The following RIMS1 variants were observed in gnomAD, a reference collection of about 807,000 sequenced individuals.
The protein encoded by RIMS1 is regulating synaptic membrane exocytosis protein 1.
RIMS1 carries 83 observed loss-of-function variants against 214.1 expected under a neutral mutation model. The ratio of observed to expected loss-of-function variants is 0.39; its 90% confidence interval spans 0.32 to 0.47. The LOEUF is 0.47. Ranked by LOEUF, RIMS1 falls within the 20% of genes least tolerant of loss-of-function variation. The pLI, the probability that RIMS1 is intolerant of heterozygous loss-of-function variation, is 0.99. For missense variants in RIMS1, 2,050 were observed against 2,161.8 expected, an observed-to-expected ratio of 0.95 and a Z score of 1.03; for synonymous variants, 793 against 786.8, an observed-to-expected ratio of 1.01 and a Z score of -0.13.
intron 29 of RIMS1, among the ~76,000 whole-genome samples, chr6:72,386,582 G>T (rs1270052156): frequency 6.6e-6 from 1 of 152,044 alleles, no homozygotes; most frequent in South Asian, 2.1e-4. Context: ...CTCATAGCTT[G>T]TGTCGTCACT....
chr6:72,285,987 C>T (rs1424891144), intron 24 of RIMS1, among the ~76,000 whole-genome samples: 2 of 152,018 alleles, frequency 1.3e-5, no homozygotes, highest in Non-Finnish European at 2.9e-5. Flanking sequence ...CATCTGAGGT[C>T]GGGAGTTTGA....
chr6:71,890,596 A>AAAAAAAAAAAAAAAAAAAAAAAAAAAAC (rs1554194854), intron 1 of RIMS1, among the ~76,000 whole-genome samples: 1 of 112,950 alleles, frequency 8.9e-6, no homozygotes, highest in Non-Finnish European at 1.8e-5. Flanking sequence ...AAAAAAAAAA[A>AAAAAAAAAAAAAAAAAAAAAAAAAAAAC]ACTTCATAGA....
At position 72,258,318 on chromosome 6, in the gene RIMS1, C is replaced by T. The variant is rs746354752; in HGVS notation, c.2927+37C>T. 1.9e-6 allele frequency: 3 copies of T among 1,567,422 alleles called. No homozygotes were observed. In the South Asian group the frequency reaches 3.5e-5, roughly 18 times the overall value. Reference sequence around the variant, plus strand: ...AATGGGCTCAGTGTCCCTGACAGTACATTTTTATTATAATGCAGTGTAAAT... The same window carrying T: ...AATGGGCTCAGTGTCCCTGACAGTATATTTTTATTATAATGCAGTGTAAAT... On this transcript the variant is annotated intron_variant, in intron 17 of 33. Coordinates refer to ENST00000521978, the MANE Select transcript of RIMS1 (RefSeq NM_014989.7).
intron 2 of RIMS1, among the ~76,000 whole-genome samples, chr6:72,091,090 T>C (rs1480273980): frequency 3.3e-5 from 5 of 152,200 alleles, no homozygotes; most frequent in Admixed American, 6.5e-5. Flanking sequence ...ACCTATGCCC[T>C]TCCACCATTG....
chr6:72,303,984 C>T (rs561589248), intron 26 of RIMS1, among the ~76,000 whole-genome samples: 1 of 151,466 alleles, frequency 6.6e-6, no homozygotes, highest in South Asian at 2.1e-4. Context: ...TATCTTTCGA[C>T]TTTATTATAC....
At chr6:72,012,096 A>T (rs958199921) in intron 2 of RIMS1, among the ~76,000 whole-genome samples, 1 of 152,220 alleles carries the variant, frequency 6.6e-6, no homozygotes, top group Non-Finnish European at 1.5e-5. Flanking sequence ...TCCAACAATG[A>T]TAGACTGCAT....
At chr6:72,077,560 T>C (rs553736938) in intron 2 of RIMS1, among the ~76,000 whole-genome samples, 1 of 152,346 alleles carries the variant, frequency 6.6e-6, no homozygotes, top group East Asian at 1.9e-4. Flanking sequence ...TAGGTCTTCT[T>C]ACTTTATTGG....
At chr6:72,106,654 T>G (rs1417260031) in intron 4 of RIMS1, among the ~76,000 whole-genome samples, 1 of 152,214 alleles carries the variant, frequency 6.6e-6, no homozygotes, top group Non-Finnish European at 1.5e-5. Context: ...TTTTATTGTT[T>G]GTTTGTTTGT....
chr6:72,167,849 A>G (rs187054326), intron 4 of RIMS1, among the ~76,000 whole-genome samples: 47 of 151,720 alleles, frequency 3.1e-4, no homozygotes, highest in Non-Finnish European at 4.7e-4. Flanking sequence ...TATCAATTTT[A>G]TTAATCCTTT....
At chr6:72,091,289 T>G (rs1381175836) in intron 2 of RIMS1, among the ~76,000 whole-genome samples, 1 of 152,148 alleles carries the variant, frequency 6.6e-6, no homozygotes, top group African/African-American at 2.4e-5. Flanking sequence ...TTGCCTAGAC[T>G]TCATAAAGGA....
intron 31 of RIMS1, among the ~76,000 whole-genome samples, chr6:72,396,996 G>A (rs1448138592): frequency 6.6e-6 from 1 of 152,244 alleles, no homozygotes; most frequent in East Asian, 1.9e-4. Flanking sequence ...CTGGACGACA[G>A]AGCAAGCCTC....
intron 2 of RIMS1, among the ~76,000 whole-genome samples, chr6:72,050,335 A>G (rs1824280016): frequency 6.6e-6 from 1 of 152,170 alleles, no homozygotes; most frequent in Non-Finnish European, 1.5e-5. Flanking sequence ...TTATTCTCCT[A>G]CTATGAATTC....
intron 23 of RIMS1, among the ~76,000 whole-genome samples, chr6:72,280,590 T>C (rs1347622853): frequency 6.6e-6 from 1 of 152,060 alleles, no homozygotes; most frequent in African/African-American, 2.4e-5. Context: ...TAAAGACATA[T>C]CCTTTGTAGT....
intron 4 of RIMS1, among the ~76,000 whole-genome samples, chr6:72,171,727 A>G (rs924786726): frequency 6.6e-6 from 1 of 152,142 alleles, no homozygotes; most frequent in African/African-American, 2.4e-5. Context: ...TTAACTCTAG[A>G]AATCACTCTT....
intron 11 of RIMS1, 113 bp from the exon 12 acceptor site, chr6:72,247,902 C>G: frequency 1.4e-6 from 1 of 691,120 alleles, no homozygotes; most frequent in Admixed American, 2.3e-5. Flanking sequence ...AAAGTAGGTT[C>G]TGTTATCAGT....
intron 23 of RIMS1, among the ~76,000 whole-genome samples, chr6:72,275,138 A>G (rs1257624213): frequency 0.022 from 66 of 3,028 alleles, 2 homozygotes; most frequent in African/African-American, 0.084. Flanking sequence ...ATATATATAT[A>G]TATATATATA....
In RIMS1 at chr6:72,284,177, C is replaced by T. The variant is rs556597549; in HGVS notation, c.3554+59C>T. ...CATTTTAGGAATATATTTAGGGGTGCTGTCACTCTCATTTTACATGATCAG... is the reference window on the plus strand; with the variant it reads ...CATTTTAGGAATATATTTAGGGGTGTTGTCACTCTCATTTTACATGATCAG... On this transcript the variant is annotated intron_variant, in intron 24 of 33. Transcript: ENST00000521978. 8 of 1,383,560 alleles carry T rather than the reference C, an allele frequency of 5.8e-6. No homozygotes were observed. In the South Asian group the frequency reaches 9.6e-5, roughly 17 times the overall value. The allele number at this position is 1,383,560 out of a possible 1,614,324, so 85.7% of individuals were successfully genotyped here. A position where few individuals can be genotyped will look rare whatever the true frequency, so the allele number is the denominator to read the frequency against.
At chr6:71,920,442 C>T (rs1779647842) in intron 1 of RIMS1, among the ~76,000 whole-genome samples, 1 of 151,840 alleles carries the variant, frequency 6.6e-6, no homozygotes, top group Non-Finnish European at 1.5e-5. Flanking sequence ...TTTCGTAAAC[C>T]TAAAATTATT....
chr6:72,343,489 C>CTTTTTT (rs2097161448), intron 29 of RIMS1, among the ~76,000 whole-genome samples: 1 of 108,464 alleles, frequency 9.2e-6, no homozygotes, highest in African/African-American at 3.9e-5. Context: ...TCTTCTTCTT[C>CTTTTTT]TTCTTTTTTT....
Sources: allele counts gnomAD v4.1 joint callset (sites outside exome capture counted in the v4.1 genomes callset), GRCh38; gene constraint gnomAD v4.1.1; transcripts MANE v1.5; gene names NCBI Gene and HGNC (gene_info 2026-07-23, HGNC 2026-07-21).